Variants in DIXDC1 observed in about 807,000 individuals in gnomAD.
The protein encoded by DIXDC1 is dixin.
DIXDC1 carries 64 observed loss-of-function variants against 103.1 expected under a neutral mutation model. The observed-to-expected ratio is 0.62, with a 90% CI of 0.51 to 0.76. DIXDC1 has a LOEUF of 0.76. Ranked by LOEUF, DIXDC1 falls within the 30% of genes least tolerant of loss-of-function variation. The pLI is 0.00. For missense variants in DIXDC1, 759 were observed against 834.2 expected (o/e 0.91, Z 1.11); for synonymous variants, 266 against 298.5 (o/e 0.89, Z 1.12).
chr11:111,971,110 C>T (rs1555172029), intron 3 of DIXDC1, among the ~76,000 whole-genome samples: 1 of 152,046 alleles, frequency 6.6e-6, no homozygotes, highest in African/African-American at 2.4e-5. Context: ...GCAACATAAA[C>T]AAAAATTGAT....
chr11:111,946,389 A>G (rs587650340), intron 1 of DIXDC1, among the ~76,000 whole-genome samples: 2 of 151,888 alleles, frequency 1.3e-5, no homozygotes, highest in South Asian at 2.1e-4. Flanking sequence ...ATTACAGGCT[A>G]ATTTTTGTAT....
Position 112,017,798 on chromosome 11 carries a change from G to T in DIXDC1, c.1884G>T (p.Lys628Asn), listed in dbSNP as rs1555177922. 6.2e-7 allele frequency: 1 copy of T among 1,610,634 alleles called. No individual in the cohort carries two copies. Among genetic ancestry groups the T allele is most frequent in the South Asian group, 1.1e-5 (1 of 90,202 alleles). The change falls in exon 19 of 20, where the codon AAG (lysine) becomes AAT (asparagine). Residue 628 changes from lysine to asparagine, a missense_variant. Physicochemically the swap from Lys to Asn is moderately conservative, Grantham distance 94 (BLOSUM62 0). Around this residue, in one of 3 missense-constraint regions of DIXDC1, gnomAD observed 657 missense variants for 727.5 expected, o/e 0.90. Transcript: ENST00000440460. The surrounding 1 kb of genome is among the most constrained non-coding windows in gnomAD (Gnocchi z 4.0). ...IPKRLEEVTL[K>N]DFKAAIDREG... ...GCAGGTTGGAGGAGGTGACGTTAAA[G>T]GATTTTAAAGCAGCTATTGATCGGG...
At chr11:111,947,055 T>C (rs1966620567) in intron 1 of DIXDC1, among the ~76,000 whole-genome samples, 1 of 152,120 alleles carries the variant, frequency 6.6e-6, no homozygotes, top group East Asian at 1.9e-4. Flanking sequence ...TTTTTTCTTT[T>C]GGTGTTTATA....
Position 112,017,987 on chromosome 11 carries a change from C to A in DIXDC1, c.1971+102C>A. ...GTCCAGAAGTACATGAGTTCCCTGA[C>A]TAGGTCAGAAGAATTTGCCAGAGCC... On this transcript the variant is annotated intron_variant, in intron 19 of 19. Coordinates refer to ENST00000440460, the MANE Select transcript of DIXDC1 (RefSeq NM_001037954.4). The surrounding 1 kb of genome is among the most constrained non-coding windows in gnomAD (Gnocchi z 4.0). 3 of 882,390 alleles carry A rather than the reference C, an allele frequency of 3.4e-6. No individual in the cohort carries two copies. The highest frequency in any genetic ancestry group is 5.2e-6 in the Non-Finnish European group (3 of 577,594). The allele number at this position is 882,390 out of a possible 1,614,324, so 54.7% of individuals were successfully genotyped here.
At chr11:111,960,028 G>T (rs1859518883) in intron 1 of DIXDC1, among the ~76,000 whole-genome samples, 1 of 151,888 alleles carries the variant, frequency 6.6e-6, no homozygotes, top group African/African-American at 2.4e-5. Flanking sequence ...TCCTGCCTCA[G>T]CCTCCCAAGT....
At chr11:111,970,216 T>A (rs1555171922) in intron 3 of DIXDC1, among the ~76,000 whole-genome samples, 2 of 152,140 alleles carry the variant, frequency 1.3e-5, no homozygotes, top group African/African-American at 4.8e-5. Flanking sequence ...CCACCATGCC[T>A]GGCTTATTTT....
chr11:111,962,901 C>T, intron 1 of DIXDC1, among the ~76,000 whole-genome samples: 1 of 152,164 alleles, frequency 6.6e-6, no homozygotes. Context: ...TGGGAGCAGA[C>T]CTTGGAGCAT....
At chr11:111,989,700 A>G (rs1555174309) in intron 10 of DIXDC1, among the ~76,000 whole-genome samples, 1 of 152,040 alleles carries the variant, frequency 6.6e-6, no homozygotes, top group African/African-American at 2.4e-5. Flanking sequence ...ACTAACATTC[A>G]AATCATTTTA....
intron 1 of DIXDC1, among the ~76,000 whole-genome samples, chr11:111,939,040 G>C (rs1555168548): frequency 6.6e-6 from 1 of 152,116 alleles, no homozygotes; most frequent in Non-Finnish European, 1.5e-5. Flanking sequence ...TCTGCCTTTG[G>C]GCTGCCCCTG....
At chr11:111,966,593 C>T (rs1555171568) in intron 2 of DIXDC1, among the ~76,000 whole-genome samples, 2 of 151,930 alleles carry the variant, frequency 1.3e-5, no homozygotes, top group Non-Finnish European at 2.9e-5. Flanking sequence ...TTAGTAGAGA[C>T]GGGGTTTCAC....
Position 112,004,582 on chromosome 11 carries a change from A to T in DIXDC1, c.1756+8436A>T, listed in dbSNP as rs587772561. ...TGGGGCTGCGTCAGGACAACAGAGA[A>T]GCACTGCTCATCCCCCACCACCAGG... On this transcript the variant is annotated intron_variant, in intron 17 of 19. Coordinates refer to ENST00000440460, the MANE Select transcript of DIXDC1 (RefSeq NM_001037954.4). Among the ~76,000 whole-genome samples, 5 of 152,322 alleles carry T rather than the reference A, an allele frequency of 3.3e-5. No individual in the cohort carries two copies. In the South Asian group the frequency reaches 1.0e-3, roughly 32 times the overall value.
chr11:112,009,915 T>G (rs1861362103), intron 17 of DIXDC1, among the ~76,000 whole-genome samples: 1 of 152,176 alleles, frequency 6.6e-6, no homozygotes, highest in African/African-American at 2.4e-5. Context: ...AGGGATGCCC[T>G]CTCTCACCAC....
intron 1 of DIXDC1, among the ~76,000 whole-genome samples, chr11:111,944,995 G>GT (rs1274182326): frequency 6.6e-6 from 1 of 152,144 alleles, no homozygotes; most frequent in Non-Finnish European, 1.5e-5. Flanking sequence ...AATTAGTTCG[G>GT]TTACAAGTGC....
chr11:111,983,046 GCAAATC>G (rs1860369790), intron 7 of DIXDC1, among the ~76,000 whole-genome samples: 1 of 152,214 alleles, frequency 6.6e-6, no homozygotes, highest in Non-Finnish European at 1.5e-5. Flanking sequence ...TGCCAGCTCG[GCAAATC>G]TACCCGAGAC....
At position 111,977,168 on chromosome 11, in the gene DIXDC1, C is replaced by T. The variant is rs1046556257; in HGVS notation, c.656+2185C>T. Reference sequence around the variant, plus strand: ...GACGTCCCCACCCCCACCTCCACCCCGCCCAGCCCCGCCCCTGGCCCGCAC... The same window carrying T: ...GACGTCCCCACCCCCACCTCCACCCTGCCCAGCCCCGCCCCTGGCCCGCAC... On this transcript the variant is annotated intron_variant, in intron 5 of 19. Coordinates refer to ENST00000440460, the MANE Select transcript of DIXDC1 (RefSeq NM_001037954.4). The surrounding 1 kb of genome is among the most constrained non-coding windows in gnomAD (Gnocchi z 6.1). 5 of 761,566 alleles carry T rather than the reference C, an allele frequency of 6.6e-6. No individual in the cohort carries two copies. In the African/African-American group the frequency reaches 9.5e-5, roughly 14 times the overall value. 47.2% of individuals were successfully genotyped at this position (761,566 alleles called of 1,614,324 possible).
In DIXDC1 at chr11:111,996,139, T is replaced by C. The variant is rs1555175386; in HGVS notation, c.1749T>C (p.Pro583=). ...GTGAATACCGGGAGTCCTGGCCCCC[T>C]AACTCAAGTAAGTACCCATTTTTGC... ...VGSEYRESWP[P]NSKLPHSQSS... The change falls in exon 17 of 20, where the codon CCT becomes CCC. Residue 583 remains proline, a synonymous_variant. Coordinates refer to ENST00000440460, the MANE Select transcript of DIXDC1 (RefSeq NM_001037954.4). The C allele has an allele frequency of 1.2e-6, 2 of 1,613,520 alleles. No homozygotes were observed. The highest frequency in any genetic ancestry group is 1.7e-6 in the Non-Finnish European group (2 of 1,179,672).
rs945776137 is a variant in DIXDC1, at chr11:111,958,014, C to T, written c.61-6535C>T. 4.6e-5 allele frequency among the ~76,000 whole-genome samples: 7 copies of T among 152,224 alleles called. No homozygotes were observed. The highest frequency in any genetic ancestry group is 1.0e-4 in the Non-Finnish European group (7 of 68,036). ...GTTGGCAGGGTGGGAGCTTTATGCT[C>T]TCTGGGTGCAGCTGCAGCTGTCCAG... On this transcript the variant is annotated intron_variant, in intron 1 of 19. Coordinates refer to ENST00000440460, the MANE Select transcript of DIXDC1 (RefSeq NM_001037954.4). The surrounding 1 kb of genome is among the most constrained non-coding windows in gnomAD (Gnocchi z 4.2).
chr11:111,973,372 CAA>C (rs782457239), intron 3 of DIXDC1, among the ~76,000 whole-genome samples: 5 of 125,430 alleles, frequency 4.0e-5, no homozygotes, highest in Non-Finnish European at 5.1e-5. Context: ...AACTCCATCT[CAA>C]AAAAAAAAAA....
At chr11:111,979,281 C>T (rs1232470229) in intron 5 of DIXDC1, among the ~76,000 whole-genome samples, 1 of 152,172 alleles carries the variant, frequency 6.6e-6, no homozygotes, top group African/African-American at 2.4e-5. Context: ...CTCCACCATG[C>T]CTGGCTCTTG....
Sources: allele counts gnomAD v4.1 joint callset (sites outside exome capture counted in the v4.1 genomes callset), GRCh38; gene constraint gnomAD v4.1.1; regional missense constraint gnomAD v4.1.1; non-coding constraint Gnocchi (gnomAD v3.1); transcripts MANE v1.5; gene names NCBI Gene and HGNC (gene_info 2026-07-23, HGNC 2026-07-21).